LRPPRC: variants seen among roughly 807,000 people sequenced by gnomAD.
LRPPRC encodes the protein leucine-rich PPR motif-containing protein, mitochondrial.
A neutral mutation model predicts 180.3 loss-of-function variants in LRPPRC; 120 were observed. The ratio of observed to expected loss-of-function variants is 0.67; its 90% CI spans 0.57 to 0.77. The LOEUF is 0.77. Ranked by LOEUF, LRPPRC falls within the 30% of genes least tolerant of loss-of-function variation. The pLI is 0.00. For synonymous variants in LRPPRC, 723 were observed against 600.0 expected, an observed-to-expected ratio of 1.21 and a Z score of -3.00; for missense variants, 2,012 against 1,657.2, an observed-to-expected ratio of 1.21 and a Z score of -3.72.
At chr2:43,935,050 A>G (rs765613969) in intron 23 of LRPPRC, among the ~76,000 whole-genome samples, 172 bp from the exon 24 acceptor site, 1 of 152,218 alleles carries the variant, frequency 6.6e-6, no homozygotes, top group East Asian at 1.9e-4. Context: ...ATCTTTATAT[A>G]TAAGTAAATG....
In LRPPRC at chr2:43,899,332, T is replaced by C. The variant is rs753104408; in HGVS notation, c.3712A>G (p.Ser1238Gly). Residue 1238 changes from serine (S) to glycine (G), a missense_variant and splice_region_variant, in exon 34 of 38, where the codon AGC (serine) becomes GGC (glycine). Physicochemically the swap from Ser to Gly is moderately conservative, Grantham distance 56. Coordinates refer to ENST00000260665, the MANE Select transcript of LRPPRC (RefSeq NM_133259.4). ...EQLEPAVEKI[S>G]IMAERLANQF... ...TTGGCCAATCTCTCCGCCATGATGC[T>C]TACTGGAAAAATGACAGGTAAGAAA... is the stretch of plus-strand genomic sequence containing the variant. The C allele has an allele frequency of 7.4e-6, 12 of 1,612,790 alleles. No homozygotes were observed. In the Admixed American group the frequency reaches 1.2e-4, roughly 16 times the overall value.
chr2:43,992,140 A>G (rs1674809212), intron 1 of LRPPRC, among the ~76,000 whole-genome samples: 1 of 152,204 alleles, frequency 6.6e-6, no homozygotes, highest in Admixed American at 6.5e-5. Flanking sequence ...GGCACAAGAA[A>G]GGAGCCAGTC....
chr2:43,892,140 C>T (rs1191275718), intron 36 of LRPPRC, among the ~76,000 whole-genome samples: 1 of 152,236 alleles, frequency 6.6e-6, no homozygotes, highest in Non-Finnish European at 1.5e-5. Context: ...GATGCAGAAG[C>T]TACGGCAGGT....
rs1474479803 is a variant in LRPPRC, at chr2:43,977,143, G to A, written c.591+12C>T. 4 of 1,610,712 alleles carry A rather than the reference G, an allele frequency of 2.5e-6. No individual in the cohort carries two copies. The highest frequency in any genetic ancestry group is 1.1e-5 in the South Asian group (1 of 91,020). On this transcript the variant is annotated intron_variant, in intron 4 of 37. Coordinates refer to ENST00000260665, the MANE Select transcript of LRPPRC (RefSeq NM_133259.4). ...TGGATGTGAAAATATATTCACAATA[G>A]CAACTACTTACTCGATTTGGTTGAA... is the stretch of plus-strand genomic sequence containing the variant.
chr2:43,972,691 C>A (rs1247935881), intron 11 of LRPPRC, among the ~76,000 whole-genome samples: 1 of 152,168 alleles, frequency 6.6e-6, no homozygotes, highest in Non-Finnish European at 1.5e-5. Flanking sequence ...TTAGGGAATA[C>A]TTGTTTCACT....
chr2:43,943,922 T>C (rs746710470), intron 22 of LRPPRC, 28 bp from the exon 23 acceptor site: 2 of 1,538,984 alleles, frequency 1.3e-6, no homozygotes, highest in South Asian at 2.2e-5. Context: ...AAAAGACCCT[T>C]AGGTAATTTC....
intron 27 of LRPPRC, among the ~76,000 whole-genome samples, chr2:43,924,858 A>G (rs1221796596): frequency 6.6e-6 from 1 of 152,214 alleles, no homozygotes; most frequent in Non-Finnish European, 1.5e-5. Context: ...TTATTGCAGT[A>G]AGAATGTCAG....
intron 3 of LRPPRC, among the ~76,000 whole-genome samples, chr2:43,979,363 A>C (rs1035144505): frequency 6.6e-6 from 1 of 152,138 alleles, no homozygotes; most frequent in Non-Finnish European, 1.5e-5. Flanking sequence ...TCATTTCTTA[A>C]AACAGTTACA....
chr2:43,966,747 T>TA (rs1673578303), intron 11 of LRPPRC, among the ~76,000 whole-genome samples: 1 of 140,040 alleles, frequency 7.1e-6, no homozygotes, highest in African/African-American at 2.9e-5. Context: ...TAAAAAAAAA[T>TA]AAAAATAAAA....
Position 43,991,546 on chromosome 2 carries a change from A to C in LRPPRC, c.149+4253T>G, listed in dbSNP as rs559132890. Among the ~76,000 whole-genome samples, 9 of 152,320 alleles carry C rather than the reference A, an allele frequency of 5.9e-5. No homozygotes were observed. In the South Asian group the frequency reaches 1.9e-3, roughly 32 times the overall value. On this transcript the variant is annotated intron_variant, in intron 1 of 37. Coordinates refer to ENST00000260665, the MANE Select transcript of LRPPRC (RefSeq NM_133259.4). ...TGAAGTATACAAGTATTATGCTAAA[A>C]ACCATCACACAAAGAATACACACAC...
intron 25 of LRPPRC, among the ~76,000 whole-genome samples, chr2:43,927,734 T>C (rs1671939197): frequency 6.6e-6 from 1 of 152,334 alleles, no homozygotes; most frequent in East Asian, 1.9e-4. Context: ...CTCTTTCTGT[T>C]TGTGGCTGAT....
chr2:43,959,041 G>T, intron 13 of LRPPRC: 1 of 538,952 alleles, frequency 1.9e-6, no homozygotes. Context: ...AGCTATGAAG[G>T]CTGCTGACAA....
Position 43,963,687 on chromosome 2 carries a change from T to C in LRPPRC, c.1389A>G (p.Lys463=), listed in dbSNP as rs1327558368. Residue 463 remains lysine (K), a synonymous_variant, in exon 12 of 38, where the codon AAA becomes AAG. Transcript: ENST00000260665. ...GATGTACTCCCAATTCTTGCATTCC[T>C]TTGAGGATTTCAATTATACCTACCA... is the stretch of plus-strand genomic sequence containing the variant. The part of the protein sequence containing the change: ...KNVQGIIEIL[K]GMQELGVHPD... 2 of 1,582,566 alleles carry C rather than the reference T, an allele frequency of 1.3e-6. No individual in the cohort carries two copies. The highest frequency in any genetic ancestry group is 2.2e-5 in the East Asian group (1 of 44,724).
intron 6 of LRPPRC, among the ~76,000 whole-genome samples, 167 bp downstream of exon 6, chr2:43,975,976 T>C (rs139204264): frequency 9.4e-4 from 143 of 152,352 alleles, no homozygotes; most frequent in Admixed American, 3.7e-3. Context: ...CTACCTCATA[T>C]ACTACAGATT....
intron 1 of LRPPRC, among the ~76,000 whole-genome samples, chr2:43,983,244 T>C (rs1290396392): frequency 3.3e-5 from 5 of 152,160 alleles, no homozygotes; most frequent in Admixed American, 1.3e-4. Flanking sequence ...TGGAGTCTAA[T>C]ATGCAAGTCG....
intron 8 of LRPPRC, 137 bp downstream of exon 8, chr2:43,974,477 G>C: frequency 1.2e-6 from 1 of 806,158 alleles, no homozygotes; most frequent in Admixed American, 2.2e-5. Context: ...TCATGTTTTT[G>C]GGCTTATTTA....
At chr2:43,992,145 C>A (rs931678708) in intron 1 of LRPPRC, among the ~76,000 whole-genome samples, 5 of 152,074 alleles carry the variant, frequency 3.3e-5, no homozygotes, top group Admixed American at 3.3e-4. Flanking sequence ...AAGAAAGGAG[C>A]CAGTCAAATG....
At chr2:43,946,934 A>G (rs558434709) in intron 20 of LRPPRC, among the ~76,000 whole-genome samples, 62 of 152,212 alleles carry the variant, frequency 4.1e-4, no homozygotes, top group Middle Eastern at 3.4e-3. Context: ...CTTGCAAATG[A>G]CTACTGCGTG....
intron 1 of LRPPRC, among the ~76,000 whole-genome samples, chr2:43,992,421 A>C (rs1182823980): frequency 6.6e-6 from 1 of 152,202 alleles, no homozygotes; most frequent in Non-Finnish European, 1.5e-5. Context: ...TACGGCTAGA[A>C]CGCAGGATGC....
Sources: allele counts gnomAD v4.1 joint callset (sites outside exome capture counted in the v4.1 genomes callset), GRCh38; gene constraint gnomAD v4.1.1; transcripts MANE v1.5; gene names NCBI Gene and HGNC (gene_info 2026-07-23, HGNC 2026-07-21).